FCHO2: variants seen among roughly 807,000 people sequenced by gnomAD.
The protein encoded by FCHO2 is FCH and mu domain containing endocytic adaptor 2, also known as F-BAR domain only protein 2.
FCHO2 carries 43 observed loss-of-function variants against 114.1 expected under a neutral mutation model. The ratio of observed to expected loss-of-function variants is 0.38; its 90% confidence interval spans 0.30 to 0.49. The LOEUF (loss-of-function observed/expected upper bound fraction) is 0.49. Ranked by LOEUF, FCHO2 falls within the 20% of genes least tolerant of loss-of-function variation. The pLI, the probability that FCHO2 is intolerant of heterozygous loss-of-function variation, is 0.97. For synonymous variants in FCHO2, 293 were observed against 315.2 expected, an observed-to-expected ratio of 0.93 and a Z score of 0.75; for missense variants, 807 against 950.4, an observed-to-expected ratio of 0.85 and a Z score of 1.98.
intron 2 of FCHO2, among the ~76,000 whole-genome samples, chr5:72,969,662 T>A (rs966345145): frequency 3.3e-5 from 5 of 152,238 alleles, no homozygotes; most frequent in Non-Finnish European, 7.3e-5. Context: ...GTTAGTCACC[T>A]TAAGAAGTCC....
chr5:73,015,134 A>C (rs1755236035), intron 6 of FCHO2, among the ~76,000 whole-genome samples: 1 of 152,028 alleles, frequency 6.6e-6, no homozygotes, highest in Non-Finnish European at 1.5e-5. Flanking sequence ...TTACCTAAGA[A>C]ATGACATAAC....
chr5:72,986,799 A>G (rs113288882), intron 2 of FCHO2, among the ~76,000 whole-genome samples: 3 of 152,048 alleles, frequency 2.0e-5, no homozygotes, highest in Admixed American at 6.5e-5. Flanking sequence ...AAATTTGTTT[A>G]TGTTTTATAC....
chr5:73,067,992 A>G (rs547657120), intron 18 of FCHO2, among the ~76,000 whole-genome samples: 8 of 152,048 alleles, frequency 5.3e-5, no homozygotes, highest in African/African-American at 4.8e-5. Flanking sequence ...AAACCTTTGT[A>G]TGGAGTGAGT....
intron 2 of FCHO2, among the ~76,000 whole-genome samples, chr5:72,986,500 T>C (rs1410465030): frequency 6.6e-6 from 1 of 152,190 alleles, no homozygotes; most frequent in African/African-American, 2.4e-5. Context: ...CATACCTGAC[T>C]GACTTGTCTG....
intron 6 of FCHO2, among the ~76,000 whole-genome samples, chr5:73,015,259 G>T (rs1296408674): frequency 6.6e-6 from 1 of 151,306 alleles, no homozygotes; most frequent in African/African-American, 2.4e-5. Flanking sequence ...GTTATATTGA[G>T]TTGATTTCTT....
At position 73,007,435 on chromosome 5, in the gene FCHO2, A is replaced by C. The variant is rs138515957; in HGVS notation, c.600+886A>C. 2.0e-3 allele frequency among the ~76,000 whole-genome samples: 305 copies of C among 152,314 alleles called. 2 individuals are homozygous for C. The highest frequency in any genetic ancestry group is 7.2e-3 in the African/African-American group (298 of 41,570). On this transcript the variant is annotated intron_variant, in intron 6 of 25. Transcript: ENST00000430046. The stretch of plus-strand genomic sequence containing the variant: ...CACTAAAATTTAAGTTTATGAGAGC[A>C]AGGATGGATTTGTTTTGTTTACTGC...
Position 72,989,498 on chromosome 5 carries a change from T to G in FCHO2, c.197T>G (p.Leu66Arg). The change falls in exon 3 of 26, where the codon CTT (leucine) becomes CGT (arginine). Residue 66 changes from leucine to arginine, a missense_variant. Physicochemically the swap from Leu to Arg is moderately radical, Grantham distance 102 (BLOSUM62 -2). Coordinates refer to ENST00000430046, the MANE Select transcript of FCHO2 (RefSeq NM_138782.3). ...LAKSASNYSQ[L>R]GTFAPVWDVF... ...AAATCTGCAAGCAATTATTCACAAC[T>G]TGGGTGAGTTAATTTCTTCCTCTTT... is the stretch of plus-strand genomic sequence containing the variant. 1 of 1,597,750 alleles carries G rather than the reference T, an allele frequency of 6.3e-7. No homozygotes were observed.
intron 8 of FCHO2, among the ~76,000 whole-genome samples, chr5:73,033,302 A>G (rs959713433): frequency 1.3e-5 from 2 of 152,158 alleles, no homozygotes; most frequent in African/African-American, 2.4e-5. Flanking sequence ...ACTCACTTCT[A>G]TGACTGTTTT....
Position 72,994,246 on chromosome 5 carries a change from G to C in FCHO2, c.495+3382G>C, listed in dbSNP as rs1753960762. On this transcript the variant is annotated intron_variant, in intron 5 of 25. Coordinates refer to ENST00000430046, the MANE Select transcript of FCHO2 (RefSeq NM_138782.3). The stretch of plus-strand genomic sequence containing the variant: ...GTTTGCAAACTATGCATCTGACAAA[G>C]GTCTGACATCCAGCATCTATAAGGC... 1.3e-5 allele frequency among the ~76,000 whole-genome samples: 2 copies of C among 151,908 alleles called. 1 individual carries two copies. The highest frequency in any genetic ancestry group is 4.1e-4 in the South Asian group (2 of 4,820).
chr5:72,996,580 C>T (rs1206348521), intron 5 of FCHO2, among the ~76,000 whole-genome samples: 1 of 151,360 alleles, frequency 6.6e-6, no homozygotes, highest in Admixed American at 6.6e-5. Flanking sequence ...TCCCCTTCCC[C>T]AATTAATCCT....
chr5:73,078,073 C>G, intron 21 of FCHO2, 107 bp from the exon 22 acceptor site: 1 of 802,388 alleles, frequency 1.2e-6, no homozygotes. Flanking sequence ...TTCATCCCAC[C>G]TCTTGGTTTA....
chr5:73,039,381 T>C (rs1756690484), intron 10 of FCHO2, among the ~76,000 whole-genome samples: 1 of 152,214 alleles, frequency 6.6e-6, no homozygotes, highest in Non-Finnish European at 1.5e-5. Context: ...AGCCAGAGAA[T>C]AAACTCTTTG....
At chr5:73,048,439 CA>C (rs1757171291) in intron 11 of FCHO2, among the ~76,000 whole-genome samples, 1 of 151,864 alleles carries the variant, frequency 6.6e-6, no homozygotes, top group Non-Finnish European at 1.5e-5. Context: ...AGTGAGTCTC[CA>C]TCTCAAAAAA....
At chr5:72,977,472 T>C (rs1310519261) in intron 2 of FCHO2, among the ~76,000 whole-genome samples, 1 of 152,212 alleles carries the variant, frequency 6.6e-6, no homozygotes, top group Non-Finnish European at 1.5e-5. Context: ...TTGATGGGGT[T>C]GTTTTTTTCT....
chr5:73,024,819 G>C (rs1755830533), intron 8 of FCHO2, among the ~76,000 whole-genome samples: 1 of 152,098 alleles, frequency 6.6e-6, no homozygotes, highest in African/African-American at 2.4e-5. Flanking sequence ...GCTGTTGTGA[G>C]ATTTACATGA....
At chr5:73,049,245 G>T (rs1436667502) in intron 11 of FCHO2, among the ~76,000 whole-genome samples, 4 of 151,782 alleles carry the variant, frequency 2.6e-5, no homozygotes, top group African/African-American at 9.7e-5. Context: ...TTTGTTTTTT[G>T]CTTATGGTTT....
At chr5:72,975,153 G>A (rs1231309349) in intron 2 of FCHO2, among the ~76,000 whole-genome samples, 1 of 151,968 alleles carries the variant, frequency 6.6e-6, no homozygotes. Flanking sequence ...TCTCTTTGTA[G>A]TATTTATAAA....
chr5:73,087,579 TTC>T lies in FCHO2; in HGVS notation c.2246-8_2246-7del. On this transcript the variant is annotated splice_region_variant and splice_polypyrimidine_tract_variant and intron_variant, in intron 24 of 25. Transcript: ENST00000430046. Reference sequence around the variant, plus strand: ...TACCCTGTGTAAGTGCTTTATTCTTTTCTTTGTAGGTTCTGGGTCCCTCCGAG... The same window carrying T: ...TACCCTGTGTAAGTGCTTTATTCTTTTTTGTAGGTTCTGGGTCCCTCCGAG... 1 of 1,613,214 alleles carries T rather than the reference TTC, an allele frequency of 6.2e-7. No homozygotes were observed. The highest frequency in any genetic ancestry group is 1.1e-5 in the South Asian group (1 of 91,000).
At chr5:73,022,845 T>G (rs1042871950) in intron 8 of FCHO2, among the ~76,000 whole-genome samples, 6 of 152,350 alleles carry the variant, frequency 3.9e-5, no homozygotes, top group Admixed American at 3.3e-4. Flanking sequence ...TTGTCTTTAC[T>G]TGGCTTCAGT....
Sources: gnomAD v4.1 joint callset for allele counts (sites outside exome capture counted in the v4.1 genomes callset) on GRCh38, gnomAD v4.1.1 for gene constraint, MANE v1.5 for transcripts, NCBI Gene and HGNC (gene_info 2026-07-23, HGNC 2026-07-21) for gene names.